CSMD1: variants seen among roughly 807,000 people sequenced by gnomAD.
CSMD1 encodes the protein CUB and sushi domain-containing protein 1.
A neutral mutation model predicts 417.5 loss-of-function variants in CSMD1; 213 were observed. The observed-to-expected ratio is 0.51, with a 90% CI of 0.46 to 0.57. The LOEUF (loss-of-function observed/expected upper bound fraction) is 0.57. Ranked by LOEUF, CSMD1 falls within the 20% of genes least tolerant of loss-of-function variation. The pLI, the probability that CSMD1 is intolerant of heterozygous loss-of-function variation, is 0.00. For synonymous variants in CSMD1, 2,862 were observed against 1,736.8 expected, an observed-to-expected ratio of 1.65 and a Z score of -16.11; for missense variants, 6,923 against 4,529.7, an observed-to-expected ratio of 1.53 and a Z score of -15.17.
chr8:4,390,264 C>CT (rs1235755082), intron 3 of CSMD1, among the ~76,000 whole-genome samples: 11 of 152,018 alleles, frequency 7.2e-5, no homozygotes, highest in Admixed American at 3.3e-4. Context: ...AAACCAACTA[C>CT]TTTTTTAAAA....
At chr8:4,037,014 G>A (rs191236718) in intron 3 of CSMD1, among the ~76,000 whole-genome samples, 1 of 151,262 alleles carries the variant, frequency 6.6e-6, no homozygotes, top group East Asian at 2.0e-4. Flanking sequence ...CCATGGTAGT[G>A]TGTCCTGTCC....
At position 4,350,923 on chromosome 8, in the gene CSMD1, G is replaced by A. The variant is rs577803604; in HGVS notation, c.415+69030C>T. 8.5e-5 allele frequency among the ~76,000 whole-genome samples: 13 copies of A among 152,222 alleles called. No homozygotes were observed. The East Asian group carries it at 2.3e-3, about 27-fold the overall frequency. On this transcript the variant is annotated intron_variant, in intron 3 of 69. Coordinates refer to ENST00000635120, the MANE Select transcript of CSMD1 (RefSeq NM_033225.6). ...TAAGGTGGGCCGTGCTTACAGGACC[G>A]CCTTCCTTGACACATACTTGCTTTC...
At chr8:4,804,419 A>C (rs1798474593) in intron 1 of CSMD1, among the ~76,000 whole-genome samples, 1 of 152,122 alleles carries the variant, frequency 6.6e-6, no homozygotes. Flanking sequence ...CTATGCAATT[A>C]CTGAATAAAT....
chr8:3,216,275 T>A (rs926349965), intron 29 of CSMD1, among the ~76,000 whole-genome samples: 57 of 152,212 alleles, frequency 3.7e-4, no homozygotes, highest in African/African-American at 1.3e-3. Context: ...CAAATACAGA[T>A]CAAATAAGTA....
intron 5 of CSMD1, among the ~76,000 whole-genome samples, chr8:3,893,342 T>TAC: frequency 1.5e-5 from 1 of 64,854 alleles, no homozygotes; most frequent in Non-Finnish European, 3.4e-5. Context: ...CACAATTTTA[T>TAC]ATATATATAT....
chr8:3,712,353 G>C (rs1236418426), intron 6 of CSMD1, among the ~76,000 whole-genome samples: 1 of 150,818 alleles, frequency 6.6e-6, no homozygotes, highest in African/African-American at 2.4e-5. Context: ...GCTGAGCAGA[G>C]ATTTTCATTT....
chr8:3,986,582 A>G (rs760209941), intron 5 of CSMD1, among the ~76,000 whole-genome samples: 3 of 151,910 alleles, frequency 2.0e-5, no homozygotes, highest in Non-Finnish European at 2.9e-5. Context: ...TCAACTTTCT[A>G]ATTATTTATT....
intron 26 of CSMD1, among the ~76,000 whole-genome samples, chr8:3,283,645 C>T (rs1191117947): frequency 6.6e-6 from 1 of 152,092 alleles, no homozygotes; most frequent in African/African-American, 2.4e-5. Context: ...GAATAATTCT[C>T]TGGCCTTCCT....
At chr8:2,967,004 G>C (rs945183790) in intron 57 of CSMD1, among the ~76,000 whole-genome samples, 2 of 152,132 alleles carry the variant, frequency 1.3e-5, no homozygotes, top group African/African-American at 4.8e-5. Context: ...TAAAACATGA[G>C]TTAAAGCACT....
At chr8:4,436,199 G>A (rs1236141054) in intron 2 of CSMD1, among the ~76,000 whole-genome samples, 1 of 152,076 alleles carries the variant, frequency 6.6e-6, no homozygotes, top group East Asian at 1.9e-4. Flanking sequence ...ACTGGCTTTA[G>A]GCTTCTTATG....
At chr8:4,046,499 T>A (rs572795436) in intron 3 of CSMD1, among the ~76,000 whole-genome samples, 43 of 152,312 alleles carry the variant, frequency 2.8e-4, no homozygotes, top group African/African-American at 1.0e-3. Flanking sequence ...GGATAAAGCA[T>A]GTTTTGTGGT....
At chr8:3,953,963 G>A (rs1030318597) in intron 5 of CSMD1, among the ~76,000 whole-genome samples, 2 of 152,328 alleles carry the variant, frequency 1.3e-5, no homozygotes, top group Middle Eastern at 3.4e-3. Flanking sequence ...TAGGCTGGGA[G>A]CGCACAGGAG....
Position 3,133,526 on chromosome 8 carries a change from G to A in CSMD1, c.6241+8939C>T, listed in dbSNP as rs949225804. On this transcript the variant is annotated intron_variant, in intron 41 of 69. Transcript: ENST00000635120. Reference sequence around the variant, plus strand: ...TACTGTTACACTGGAAGGCTCACGTGGACACCGGCAGACGAGAGTGAAGCC... The same window carrying A: ...TACTGTTACACTGGAAGGCTCACGTAGACACCGGCAGACGAGAGTGAAGCC... Among the ~76,000 whole-genome samples, 8 of 152,310 alleles carry A rather than the reference G, an allele frequency of 5.3e-5. No homozygotes were observed. In the East Asian group the frequency reaches 1.5e-3, roughly 29 times the overall value.
At position 3,709,680 on chromosome 8, in the gene CSMD1, G is replaced by GTTTTTTTTTTTTTTTTTTTTTTTTTT. The variant is rs56272726; in HGVS notation, c.932-1215_932-1190dup. On this transcript the variant is annotated intron_variant, in intron 6 of 69. Transcript: ENST00000635120. ...GATGGGCTTTAAATTGCAGCAGCAT[G>GTTTTTTTTTTTTTTTTTTTTTTTTTT]TTTTTTTTTTTTTTTTTTTTTTTTT... Among the ~76,000 whole-genome samples, 96 of 33,676 alleles carry GTTTTTTTTTTTTTTTTTTTTTTTTTT rather than the reference G, an allele frequency of 2.9e-3. 22 individuals carry two copies. The highest frequency in any genetic ancestry group is 4.4e-3 in the East Asian group (3 of 676). 22.1% of individuals were successfully genotyped at this position (33,676 alleles called of 152,430 possible). A position where few individuals can be genotyped will look rare whatever the true frequency, so the allele number is the denominator to read the frequency against.
chr8:4,717,695 G>T (rs7822599), intron 1 of CSMD1, among the ~76,000 whole-genome samples: 2 of 151,572 alleles, frequency 1.3e-5, no homozygotes, highest in African/African-American at 2.4e-5. Flanking sequence ...CGAAGAGGCT[G>T]GGTAACCAAG....
At chr8:4,360,776 G>C (rs773551502) in intron 3 of CSMD1, among the ~76,000 whole-genome samples, 2 of 152,142 alleles carry the variant, frequency 1.3e-5, no homozygotes, top group Non-Finnish European at 2.9e-5. Flanking sequence ...CTACAGGTGT[G>C]AGCCACTGCA....
At chr8:3,037,207 C>CTTTT (rs34495486) in intron 50 of CSMD1, among the ~76,000 whole-genome samples, 30,630 of 149,416 alleles carry the variant, frequency 0.2, 3,780 homozygotes, top group Non-Finnish European at 0.29. Context: ...ACCACACTTT[C>CTTTT]TTTTTTTTGT....
intron 3 of CSMD1, among the ~76,000 whole-genome samples, chr8:4,131,523 A>C (rs914836304): frequency 6.6e-6 from 1 of 152,200 alleles, no homozygotes; most frequent in Non-Finnish European, 1.5e-5. Context: ...CATTATGTTT[A>C]ATATCAACGC....
chr8:3,788,848 G>T (rs1407874680), intron 5 of CSMD1, among the ~76,000 whole-genome samples: 1 of 152,066 alleles, frequency 6.6e-6, no homozygotes, highest in African/African-American at 2.4e-5. Flanking sequence ...TAACATTCTG[G>T]GGTAGAAATT....
Sources: gnomAD v4.1 joint callset for allele counts (sites outside exome capture counted in the v4.1 genomes callset) on GRCh38, gnomAD v4.1.1 for gene constraint, MANE v1.5 for transcripts, NCBI Gene and HGNC (gene_info 2026-07-23, HGNC 2026-07-21) for gene names.